Variants in SEMA6C observed in about 807,000 individuals in gnomAD.
SEMA6C encodes the protein semaphorin-6C.
Under a neutral mutation model 72.9 loss-of-function variants are expected in SEMA6C, and 37 were observed. The observed-to-expected ratio is 0.51, with a 90% CI of 0.39 to 0.67. SEMA6C has a LOEUF of 0.67. SEMA6C is among the 30% of genes least tolerant of loss of function. The pLI is 0.00. For synonymous variants in SEMA6C, 578 were observed against 554.1 expected, an observed-to-expected ratio of 1.04 and a Z score of -0.61; for missense variants, 1,189 against 1,263.6, an observed-to-expected ratio of 0.94 and a Z score of 0.89.
At chr1:151,134,954 G>A in intron 15 of SEMA6C, 79 bp from the exon 16 acceptor site, 1 of 1,445,616 alleles carries the variant, frequency 6.9e-7, no homozygotes, top group Non-Finnish European at 9.7e-7. Context: ...TTCCCACCCT[G>A]GCTTACAGGA....
chr1:151,139,780 C>T, intron 4 of SEMA6C, 79 bp from the exon 5 acceptor site: 1 of 1,407,478 alleles, frequency 7.1e-7, no homozygotes, highest in Non-Finnish European at 9.7e-7. Flanking sequence ...CAGGGACAAA[C>T]AGTGCAGACC....
chr1:151,143,526 T>C (rs587659301), intron 2 of SEMA6C, among the ~76,000 whole-genome samples: 1 of 152,222 alleles, frequency 6.6e-6, no homozygotes. Flanking sequence ...AAGGGACTAG[T>C]GAAGCAAAAT....
intron 16 of SEMA6C, 39 bp from the exon 17 acceptor site, chr1:151,134,714 T>C (rs1681872378): frequency 6.2e-7 from 1 of 1,612,958 alleles, no homozygotes; most frequent in African/African-American, 1.3e-5. Flanking sequence ...TTCTGTACGT[T>C]GTCCGTATCT....
At chr1:151,141,146 C>T (rs1317192415) in intron 3 of SEMA6C, among the ~76,000 whole-genome samples, 11 of 152,110 alleles carry the variant, frequency 7.2e-5, no homozygotes, top group East Asian at 1.9e-4. Context: ...CAAATATAAC[C>T]GGAACTGCAA....
intron 3 of SEMA6C, among the ~76,000 whole-genome samples, chr1:151,141,921 T>A (rs2101647560): frequency 6.6e-6 from 1 of 152,082 alleles, no homozygotes; most frequent in South Asian, 2.1e-4. Flanking sequence ...TTATATTCAT[T>A]TTACAGCTGA....
In SEMA6C at chr1:151,133,668, T is replaced by A; in HGVS notation, c.1760-151A>T. On this transcript the variant is annotated intron_variant, in intron 18 of 18. Transcript: ENST00000368914. The surrounding 1 kb of genome is among the most constrained non-coding windows in gnomAD (Gnocchi z 5.9). The stretch of plus-strand genomic sequence containing the variant: ...CCTACAGCCTCCACCATCCTCAGGA[T>A]TCACCTCTCCTGACTCCTCAGCATA... 1.5e-6 allele frequency: 2 copies of A among 1,308,792 alleles called. No individual in the cohort carries two copies. Among genetic ancestry groups the A allele is most frequent in the South Asian group, 3.1e-5 (2 of 63,950 alleles). The allele number at this position is 1,308,792 out of a possible 1,614,324, so 81.1% of individuals were successfully genotyped here. A position where few individuals can be genotyped will look rare whatever the true frequency, so the allele number is the denominator to read the frequency against.
intron 18 of SEMA6C, 82 bp downstream of exon 18, chr1:151,134,319 G>T: frequency 7.6e-7 from 1 of 1,322,674 alleles, no homozygotes; most frequent in Non-Finnish European, 1.1e-6. Context: ...TATTCAGAAT[G>T]CTGCTCTGCT....
chr1:151,133,590 G>A lies in SEMA6C; in HGVS notation c.1760-73C>T. ...CGGGGTACCTAGGCCCAGAGGCGCC[G>A]GCAGTTCCCAGGCCTGACATCATCG... On this transcript the variant is annotated intron_variant, in intron 18 of 18. Coordinates refer to ENST00000368914, the MANE Select transcript of SEMA6C (RefSeq NM_030913.6). The surrounding 1 kb of genome is among the most constrained non-coding windows in gnomAD (Gnocchi z 5.9). 3 of 1,437,974 alleles carry A rather than the reference G, an allele frequency of 2.1e-6. No homozygotes were observed. The highest frequency in any genetic ancestry group is 1.5e-5 in the South Asian group (1 of 68,444). 89.1% of individuals were successfully genotyped at this position (1,437,974 alleles called of 1,614,324 possible).
chr1:151,138,081 G>A lies in SEMA6C; in HGVS notation c.572C>T (p.Ala191Val). Reference protein sequence around the residue: ...FAEGSLYSATAADFQASDAVV... With the variant: ...FAEGSLYSATVADFQASDAVV... ...AGCATCACTGGCCTGGAAATCCGCA[G>A]CTGTGGCTGAGTACAGGCTGCCCTC... The change falls in exon 9 of 19, where the codon GCT becomes GTT. Residue 191 changes from alanine to valine, a missense_variant. By Grantham distance (64) the Ala-to-Val change is moderately conservative (BLOSUM62 0). Transcript: ENST00000368914. 6.2e-7 allele frequency: 1 copy of A among 1,614,172 alleles called. No individual in the cohort carries two copies. The highest frequency in any genetic ancestry group is 8.5e-7 in the Non-Finnish European group (1 of 1,180,016).
In SEMA6C at chr1:151,138,089, T is replaced by C. The variant is rs759258419; in HGVS notation, c.564A>G (p.Ser188=). 4.5e-5 allele frequency: 73 copies of C among 1,614,010 alleles called. No individual in the cohort carries two copies. Among genetic ancestry groups the C allele is most frequent in the Non-Finnish European group, 6.0e-5 (71 of 1,180,008 alleles). The change falls in exon 9 of 19, where the codon TCA becomes TCG. Residue 188 remains serine (S), a synonymous_variant. Coordinates refer to ENST00000368914, the MANE Select transcript of SEMA6C (RefSeq NM_030913.6). ...VAIFAEGSLY[S]ATAADFQASD... ...TGGCCTGGAAATCCGCAGCTGTGGCTGAGTACAGGCTGCCCTCTGGAGGGA... is the reference window on the plus strand; with the variant it reads ...TGGCCTGGAAATCCGCAGCTGTGGCCGAGTACAGGCTGCCCTCTGGAGGGA...
Position 151,135,207 on chromosome 1 carries a change from G to C in SEMA6C, c.1536C>G (p.Val512=), listed in dbSNP as rs776114875. ...GGGCACACCGGCTGAGAGGGAGGTA[G>C]ACAATACAGCCAGAAAAAGCCACAA... is the stretch of plus-strand genomic sequence containing the variant. ...RLFVAFSGCI[V]YLPLSRCARH... The change falls in exon 15 of 19, where the codon GTC becomes GTG. Residue 512 remains valine, a synonymous_variant. Transcript: ENST00000368914. 6.2e-7 allele frequency: 1 copy of C among 1,614,028 alleles called. No homozygotes were observed. Among genetic ancestry groups the C allele is most frequent in the Non-Finnish European group, 8.5e-7 (1 of 1,180,004 alleles).
Position 151,138,061 on chromosome 1 carries a change from C to T in SEMA6C, c.592G>A (p.Asp198Asn), listed in dbSNP as rs1682211594. 3 of 1,614,112 alleles carry T rather than the reference C, an allele frequency of 1.9e-6. No individual in the cohort carries two copies. The highest frequency in any genetic ancestry group is 1.3e-5 in the African/African-American group (1 of 74,948). ...SATAADFQAS[D>N]AVVYRSLGPQ... ...CCAAGGCTTCTGTAAACTACAGCATCACTGGCCTGGAAATCCGCAGCTGTG... is the reference window on the plus strand; with the variant it reads ...CCAAGGCTTCTGTAAACTACAGCATTACTGGCCTGGAAATCCGCAGCTGTG... The change falls in exon 9 of 19, where the codon GAT becomes AAT. Residue 198 changes from aspartate (D) to asparagine (N), a missense_variant. Physicochemically the swap from Asp to Asn is conservative, Grantham distance 23 (BLOSUM62 1). This residue lies in a region of SEMA6C where 468 missense variants were observed against 577.4 expected (regional missense o/e 0.81). Coordinates refer to ENST00000368914, the MANE Select transcript of SEMA6C (RefSeq NM_030913.6).
chr1:151,132,487 A>G lies in SEMA6C; in HGVS notation c.2790T>C (p.Phe930=), dbSNP rs1290634609. The change falls in exon 19 of 19, where the codon TTT becomes TTC. Residue 930 remains phenylalanine, a synonymous_variant. Transcript: ENST00000368914. The stretch of plus-strand genomic sequence containing the variant: ...TGGAGGCCGTGGGCCGCTCCCTTTA[A>G]AAGTTGAAACGGCCGCCGTTCGGGA... The part of the protein sequence containing the change: ...QAVPNGGRFN[F] The G allele has an allele frequency of 4.5e-6, 7 of 1,548,216 alleles. No homozygotes were observed. Among genetic ancestry groups the G allele is most frequent in the Non-Finnish European group, 6.1e-6 (7 of 1,145,830 alleles).
intron 8 of SEMA6C, 66 bp downstream of exon 8, chr1:151,138,250 G>A: frequency 1.3e-6 from 2 of 1,588,016 alleles, no homozygotes; most frequent in Non-Finnish European, 1.7e-6. Context: ...AGACCCACTG[G>A]GAGAGGAGCT....
chr1:151,132,294 C>T lies in SEMA6C; in HGVS notation c.*190G>A, dbSNP rs1319155219. 1 of 1,535,126 alleles carries T rather than the reference C, an allele frequency of 6.5e-7. No homozygotes were observed. The highest frequency in any genetic ancestry group is 2.5e-5 in the East Asian group (1 of 40,810). The stretch of plus-strand genomic sequence containing the variant: ...GGAGACGGGCTTCTCACCTCCCACT[C>T]TTCTGTCGAGGACAGGGGGAAAGAC... On this transcript the variant is annotated 3_prime_UTR_variant, in exon 19 of 19. Transcript: ENST00000368914.
chr1:151,132,953 T>TGCAGGTA lies in SEMA6C; in HGVS notation c.2317_2323dup (p.His775LeufsTer255). 1 of 1,410,502 alleles carries TGCAGGTA rather than the reference T, an allele frequency of 7.1e-7. No individual in the cohort carries two copies. The allele number at this position is 1,410,502 out of a possible 1,614,324, so 87.4% of individuals were successfully genotyped here. Reference sequence around the variant, plus strand: ...CCCCTTTCTGGGCGGCTGCGGGCCGTGCAGGTAGCGCAGCAGTTCCTCCAG... The same window carrying TGCAGGTA: ...CCCCTTTCTGGGCGGCTGCGGGCCGTGCAGGTAGCAGGTAGCGCAGCAGTTCCTCCAG... On this transcript the variant is annotated frameshift_variant, in exon 19 of 19. Transcript: ENST00000368914. LOFTEE classifies it low-confidence loss of function (END_TRUNC).
rs947239570 is a variant in SEMA6C, at chr1:151,131,906, G to A, written c.*578C>T. 1.9e-5 allele frequency: 4 copies of A among 212,226 alleles called. No individual in the cohort carries two copies. Among genetic ancestry groups the A allele is most frequent in the African/African-American group, 9.5e-5 (4 of 41,906 alleles). 13.1% of individuals were successfully genotyped at this position (212,226 alleles called of 1,614,324 possible). A position where few individuals can be genotyped will look rare whatever the true frequency, so the allele number is the denominator to read the frequency against. The stretch of plus-strand genomic sequence containing the variant: ...ACCGTTAATTCGCTCGTCTCCTTTA[G>A]GAAACCTTTCCAGACTGCCCCCCGG... On this transcript the variant is annotated 3_prime_UTR_variant, in exon 19 of 19. Coordinates refer to ENST00000368914, the MANE Select transcript of SEMA6C (RefSeq NM_030913.6).
At position 151,133,134 on chromosome 1, in the gene SEMA6C, C is replaced by A. The variant is rs1227355702; in HGVS notation, c.2143G>T (p.Ala715Ser). 1 of 1,559,714 alleles carries A rather than the reference C, an allele frequency of 6.4e-7. No homozygotes were observed. Among genetic ancestry groups the A allele is most frequent in the Non-Finnish European group, 8.6e-7 (1 of 1,165,168 alleles). Residue 715 changes from alanine to serine, a missense_variant, in exon 19 of 19, where the codon GCC (alanine) becomes TCC (serine). By Grantham distance (99) the Ala-to-Ser change is moderately conservative. Transcript: ENST00000368914. The surrounding 1 kb of genome is among the most constrained non-coding windows in gnomAD (Gnocchi z 5.9). ...PELPVKHLRA[A>S]GDPWEWNQNR... ...TGGTTCCACTCCCAGGGGTCCCCGG[C>A]GGCGCGGAGGTGCTTGACCGGCAGC...
intron 9 of SEMA6C, 26 bp from the exon 10 acceptor site, chr1:151,137,825 G>T (rs773305004): frequency 6.2e-7 from 1 of 1,605,404 alleles, no homozygotes; most frequent in Non-Finnish European, 8.5e-7. Context: ...ACAGGAAAGG[G>T]TATAGAAGAG....
Sources: allele counts gnomAD v4.1 joint callset (sites outside exome capture counted in the v4.1 genomes callset), GRCh38; gene constraint gnomAD v4.1.1; regional missense constraint gnomAD v4.1.1; non-coding constraint Gnocchi (gnomAD v3.1); transcripts MANE v1.5; gene names NCBI Gene and HGNC (gene_info 2026-07-23, HGNC 2026-07-21).